The following CYP39A1 variants were observed in gnomAD, a reference collection of about 807,000 sequenced individuals.
CYP39A1 encodes the protein cytochrome P450 family 39 subfamily A member 1, also known as 24-hydroxycholesterol 7-alpha-hydroxylase.
In CYP39A1, 49 loss-of-function variants were observed where a neutral mutation model predicts 58.1. That is an observed-to-expected ratio of 0.84 (90% CI 0.67 to 1.07). The LOEUF (loss-of-function observed/expected upper bound fraction) is 1.07. Ranked by LOEUF, CYP39A1 falls within the 50% of genes least tolerant of loss-of-function variation. The pLI, the probability that CYP39A1 is intolerant of heterozygous loss-of-function variation, is 0.00. For missense variants in CYP39A1, 531 were observed against 539.4 expected (o/e 0.98, Z 0.16); for synonymous variants, 209 against 187.6 (o/e 1.11, Z -0.93).
rs189848306 is a variant in CYP39A1 at position 46,629,952 on chromosome 6, C to T, written c.840+1011G>A. On this transcript the variant is annotated intron_variant, in intron 6 of 11. Transcript: ENST00000275016. ...ATTTTAAAAGAAACAGTTTTTTAGC[C>T]GGGCCCAGTAGCTCACGCATGTAAT... Among the ~76,000 whole-genome samples, 18 of 151,510 alleles carry T rather than the reference C, an allele frequency of 1.2e-4. No individual in the cohort carries two copies. In the East Asian group the frequency reaches 2.9e-3, roughly 24 times the overall value.
Position 46,561,643 on chromosome 6 carries a change from C to A in CYP39A1, c.1251-7789G>T, listed in dbSNP as rs543498362. On this transcript the variant is annotated intron_variant, in intron 10 of 11. Transcript: ENST00000275016. Reference sequence around the variant, plus strand: ...TGTTGGGACTTTAATAACGAAAGTGCCCCTCAATAGATTGTGCTGATTGAA... The same window carrying A: ...TGTTGGGACTTTAATAACGAAAGTGACCCTCAATAGATTGTGCTGATTGAA... 5.9e-5 allele frequency among the ~76,000 whole-genome samples: 9 copies of A among 152,076 alleles called. No individual in the cohort carries two copies. The South Asian group carries it at 1.9e-3, about 32-fold the overall frequency.
At chr6:46,575,141 G>A (rs1723990871) in intron 10 of CYP39A1, among the ~76,000 whole-genome samples, 1 of 152,216 alleles carries the variant, frequency 6.6e-6, no homozygotes, top group East Asian at 1.9e-4. Flanking sequence ...CCTAGCTATG[G>A]GAGATCCCAC....
chr6:46,637,873 A>T lies in CYP39A1; in HGVS notation c.594T>A (p.Asp198Glu). The change falls in exon 4 of 12, where the codon GAT becomes GAA. Residue 198 changes from aspartate (D) to glutamate (E), a missense_variant. By Grantham distance (45) the Asp-to-Glu change is conservative. Transcript: ENST00000275016. ...ACTGGGACCCATACTCAAAATCTTC[A>T]TCATAAACTTGAAAATACTGATGGA... The part of the protein sequence containing the change: ...KEFHQYFQVY[D>E]EDFEYGSQLP... 6.2e-7 allele frequency: 1 copy of T among 1,612,438 alleles called. No individual in the cohort carries two copies. Among genetic ancestry groups the T allele is most frequent in the Non-Finnish European group, 8.5e-7 (1 of 1,179,648 alleles).
chr6:46,563,195 GACATAT>G (rs1771075111), intron 10 of CYP39A1, among the ~76,000 whole-genome samples: 1 of 151,448 alleles, frequency 6.6e-6, no homozygotes, highest in Non-Finnish European at 1.5e-5. Context: ...ACCAGAAACT[GACATAT>G]ACATACCTAG....
At chr6:46,652,080 C>G (rs1024377375) in intron 1 of CYP39A1, among the ~76,000 whole-genome samples, 4 of 152,230 alleles carry the variant, frequency 2.6e-5, no homozygotes, top group African/African-American at 9.6e-5. Flanking sequence ...TTGGATTACA[C>G]TTTATCTTTC....
intron 7 of CYP39A1, among the ~76,000 whole-genome samples, chr6:46,609,663 T>C (rs185479528): frequency 6.6e-6 from 1 of 152,250 alleles, no homozygotes; most frequent in African/African-American, 2.4e-5. Flanking sequence ...ATATGTAAAA[T>C]ATAAGCTATT....
At chr6:46,630,131 A>AACAAC (rs1202702353) in intron 6 of CYP39A1, among the ~76,000 whole-genome samples, 24 of 131,478 alleles carry the variant, frequency 1.8e-4, no homozygotes, top group African/African-American at 9.4e-4. Flanking sequence ...CAACAACAAC[A>AACAAC]AAAAAACCCA....
At chr6:46,624,555 A>C (rs1404071395) in intron 7 of CYP39A1, among the ~76,000 whole-genome samples, 1 of 152,150 alleles carries the variant, frequency 6.6e-6, no homozygotes, top group African/African-American at 2.4e-5. Flanking sequence ...CTCCATAAGA[A>C]GCAATCCAAA....
chr6:46,636,650 A>G (rs1776007248), intron 4 of CYP39A1, among the ~76,000 whole-genome samples, 168 bp from the exon 5 acceptor site: 1 of 152,240 alleles, frequency 6.6e-6, no homozygotes, highest in African/African-American at 2.4e-5. Flanking sequence ...ATTAGTCCAC[A>G]AAGACAGCTG....
chr6:46,551,398 A>C (rs1428054397), intron 11 of CYP39A1, among the ~76,000 whole-genome samples: 2 of 151,646 alleles, frequency 1.3e-5, no homozygotes, highest in Non-Finnish European at 2.9e-5. Flanking sequence ...CCATACAAAG[A>C]AATAAAAACC....
chr6:46,607,842 AT>A (rs1773943363), intron 7 of CYP39A1, among the ~76,000 whole-genome samples: 1 of 152,230 alleles, frequency 6.6e-6, no homozygotes, highest in Non-Finnish European at 1.5e-5. Context: ...CACCTCTTTC[AT>A]TACTTTTGAA....
intron 3 of CYP39A1, among the ~76,000 whole-genome samples, chr6:46,638,700 T>G (rs1437792177): frequency 6.6e-6 from 1 of 152,172 alleles, no homozygotes; most frequent in Non-Finnish European, 1.5e-5. Context: ...ATTTGGTTGT[T>G]TTTGTGTCCC....
intron 10 of CYP39A1, among the ~76,000 whole-genome samples, chr6:46,555,176 A>G (rs1048094323): frequency 1.4e-4 from 22 of 152,062 alleles, no homozygotes; most frequent in African/African-American, 4.1e-4. Flanking sequence ...CCTTGACACC[A>G]TGTGGCTCTA....
rs111886815 is a variant in CYP39A1 at position 46,600,325 on chromosome 6, T to C, written c.932-4205A>G. Among the ~76,000 whole-genome samples the C allele has an allele frequency of 5.5e-3, 831 of 152,190 alleles. 7 individuals are homozygous for C. The highest frequency in any genetic ancestry group is 0.019 in the African/African-American group (783 of 41,542). Reference sequence around the variant, plus strand: ...TAGTAGAGATGGGGTGTTGCCATGTTGGCCAGGCTGGTCTTGAAATCCTGA... The same window carrying C: ...TAGTAGAGATGGGGTGTTGCCATGTCGGCCAGGCTGGTCTTGAAATCCTGA... On this transcript the variant is annotated intron_variant, in intron 7 of 11. Transcript: ENST00000275016.
intron 10 of CYP39A1, among the ~76,000 whole-genome samples, chr6:46,558,825 G>A (rs561558417): frequency 5.7e-4 from 86 of 152,014 alleles, no homozygotes; most frequent in Non-Finnish European, 9.4e-4. Context: ...GTGAAACCCC[G>A]TCTCTACTAA....
chr6:46,644,658 C>A (rs1213578697), intron 1 of CYP39A1, among the ~76,000 whole-genome samples: 3 of 152,122 alleles, frequency 2.0e-5, no homozygotes, highest in Admixed American at 6.6e-5. Flanking sequence ...TGATAAATTC[C>A]TAGAAGTGCA....
chr6:46,601,272 G>A (rs1773481568), intron 7 of CYP39A1, among the ~76,000 whole-genome samples: 1 of 152,000 alleles, frequency 6.6e-6, no homozygotes, highest in South Asian at 2.1e-4. Flanking sequence ...TACCACTCTT[G>A]TCCAAGCCGT....
chr6:46,551,896 T>TAGAATA (rs1770416959), intron 11 of CYP39A1, among the ~76,000 whole-genome samples: 1 of 152,196 alleles, frequency 6.6e-6, no homozygotes, highest in Admixed American at 6.5e-5. Flanking sequence ...TTTCTCATTC[T>TAGAATA]AGAATAAGAA....
At chr6:46,587,477 C>T (rs1456211617) in intron 9 of CYP39A1, among the ~76,000 whole-genome samples, 1 of 152,080 alleles carries the variant, frequency 6.6e-6, no homozygotes, top group Non-Finnish European at 1.5e-5. Context: ...CATAAAATTG[C>T]TCTTGGTAAT....
Sources: gnomAD v4.1 joint callset for allele counts (sites outside exome capture counted in the v4.1 genomes callset) on GRCh38, gnomAD v4.1.1 for gene constraint, MANE v1.5 for transcripts, NCBI Gene and HGNC (gene_info 2026-07-23, HGNC 2026-07-21) for gene names.